The following ARSG variants were observed in gnomAD, a reference collection of about 807,000 sequenced individuals.
ARSG encodes ASG.
A neutral mutation model predicts 50.5 loss-of-function variants in ARSG; 37 were observed. The observed-to-expected ratio is 0.73, with a 90% CI of 0.56 to 0.96. The LOEUF (loss-of-function observed/expected upper bound fraction) is 0.96. ARSG is among the 50% of genes least tolerant of loss of function. The probability of loss-of-function intolerance (pLI) is 0.00; values close to 1 mark genes in which losing one functional copy is unlikely to be tolerated. For missense variants in ARSG, 629 were observed against 675.3 expected (o/e 0.93, Z 0.76); for synonymous variants, 225 against 254.6 (o/e 0.88, Z 1.11).
intron 1 of ARSG, among the ~76,000 whole-genome samples, chr17:68,275,780 G>C (rs2075495520): frequency 6.6e-6 from 1 of 151,992 alleles, no homozygotes; most frequent in Admixed American, 6.6e-5. Flanking sequence ...AGGAGTTAGA[G>C]ACTAGCCTGG....
the ARSG span, among the ~76,000 whole-genome samples, chr17:68,429,316 A>G: frequency 2.0e-5 from 3 of 152,246 alleles, no homozygotes; most frequent in Non-Finnish European, 4.4e-5. Context: ...TTTGCTGGTT[A>G]GTTTTGTGAA....
intron 2 of ARSG, among the ~76,000 whole-genome samples, chr17:68,337,431 A>G (rs2078071702): frequency 6.6e-6 from 1 of 152,050 alleles, no homozygotes; most frequent in African/African-American, 2.4e-5. Context: ...GATGTGGACA[A>G]AAGAAGACAG....
intron 2 of ARSG, among the ~76,000 whole-genome samples, chr17:68,322,142 G>C (rs547171648): frequency 2.8e-4 from 43 of 152,210 alleles, no homozygotes; most frequent in Non-Finnish European, 5.4e-4. Flanking sequence ...GTGATTACAT[G>C]AAGAATGAAC....
chr17:68,274,169 G>A, intron 1 of ARSG: 1 of 1,332,516 alleles, frequency 7.5e-7, no homozygotes, highest in Non-Finnish European at 1.0e-6. Context: ...GAGAGATGAT[G>A]TCGAATATAA....
chr17:68,287,902 G>A (rs934748297), upstream of ARSG, among the ~76,000 whole-genome samples: 23 of 151,192 alleles, frequency 1.5e-4, no homozygotes, highest in African/African-American at 4.6e-4. Flanking sequence ...ACCCTTCCTG[G>A]ACTCTTCTCC....
chr17:68,309,323 G>A (rs1236125063), intron 2 of ARSG, among the ~76,000 whole-genome samples: 1 of 152,204 alleles, frequency 6.6e-6, no homozygotes, highest in Non-Finnish European at 1.5e-5. Flanking sequence ...CGAGGGAGCC[G>A]GCTCTCGCCT....
chr17:68,283,878 CAAAAA>C (rs58291216), intron 1 of ARSG, among the ~76,000 whole-genome samples: 1 of 55,432 alleles, frequency 1.8e-5, no homozygotes. Flanking sequence ...AACTCCGTCT[CAAAAA>C]AAAAAAAAAA....
At chr17:68,285,777 T>C (rs2075826972) in intron 1 of ARSG, 1 of 152,160 alleles carries the variant, frequency 6.6e-6, no homozygotes, top group Non-Finnish European at 1.5e-5. Flanking sequence ...TTTTTTTTTT[T>C]TTAATTTATG....
In ARSG at chr17:68,300,086, C is replaced by T. The variant is rs1467234288; in HGVS notation, c.-551-6857C>T. ...TCCCTAGCAGCTGGGACTACAGGCA[C>T]ATGCCACCATATCCAGTTATTTTGT... is the stretch of plus-strand genomic sequence containing the variant. On this transcript the variant is annotated intron_variant, in intron 1 of 11. Coordinates refer to ENST00000621439, the MANE Select transcript of ARSG (RefSeq NM_001267727.2). 3.9e-5 allele frequency among the ~76,000 whole-genome samples: 6 copies of T among 152,200 alleles called. No individual in the cohort carries two copies. The East Asian group carries it at 9.7e-4, about 24-fold the overall frequency.
At chr17:68,434,614 G>A in the ARSG span, 16 of 1,613,816 alleles carry the variant, frequency 9.9e-6, 1 homozygote, top group African/African-American at 4.0e-5. Context: ...GAGAACACCC[G>A]GATGACTGTG....
At chr17:68,442,562 G>GT in the ARSG span, among the ~76,000 whole-genome samples, 3 of 151,972 alleles carry the variant, frequency 2.0e-5, no homozygotes, top group African/African-American at 7.3e-5. Flanking sequence ...TGCAACAGGT[G>GT]TGAGGAGTAA....
chr17:68,313,444 C>T (rs1452647855), intron 2 of ARSG, among the ~76,000 whole-genome samples: 2 of 152,206 alleles, frequency 1.3e-5, no homozygotes, highest in African/African-American at 2.4e-5. Context: ...CTATCTCCGC[C>T]TCAGTTGTTA....
In ARSG at chr17:68,279,732, C is replaced by G. The variant is rs546892699; in HGVS notation, c.-552+20306C>G. Among the ~76,000 whole-genome samples, 3 of 152,304 alleles carry G rather than the reference C, an allele frequency of 2.0e-5. No homozygotes were observed. In the South Asian group the frequency reaches 6.2e-4, roughly 32 times the overall value. On this transcript the variant is annotated intron_variant, in intron 1 of 11. Transcript: ENST00000448504. The stretch of plus-strand genomic sequence containing the variant: ...TAACTTAAGTCTTCTGGATTGGGCT[C>G]TAGCACATGAATACTGTCTTTTTCA...
intron 10 of ARSG, 113 bp from the exon 11 acceptor site, chr17:68,401,247 T>C: frequency 1.1e-6 from 1 of 917,872 alleles, no homozygotes; most frequent in South Asian, 1.5e-5. Context: ...GGTTTCAAAC[T>C]CCTGGGCTCA....
chr17:68,422,091 G>A (rs527872536), downstream of ARSG: 520 of 422,686 alleles, frequency 1.2e-3, 7 homozygotes, highest in Non-Finnish European at 2.5e-4. Context: ...ATTTTTAAAA[G>A]GCTCATCTTA....
intron 11 of ARSG, among the ~76,000 whole-genome samples, chr17:68,415,965 T>C (rs964750860): frequency 1.3e-5 from 2 of 152,216 alleles, no homozygotes; most frequent in African/African-American, 4.8e-5. Context: ...ATCTTATCCA[T>C]TCTGCTGTTT....
chr17:68,271,918 T>C lies in ARSG; in HGVS notation c.-552+12492T>C, dbSNP rs2075353695. Among the ~76,000 whole-genome samples, 1 of 152,218 alleles carries C rather than the reference T, an allele frequency of 6.6e-6. No individual in the cohort carries two copies. Among genetic ancestry groups the C allele is most frequent in the Non-Finnish European group, 1.5e-5 (1 of 68,044 alleles). ...CCCGGGTTCAAGCGATTCTCCTGCC[T>C]CAGCCTCCTGAGTAGCTGGGACTAT... On this transcript the variant is annotated intron_variant, in intron 1 of 11. Transcript: ENST00000448504. This position sits in a 1 kb window ranked among gnomAD's most constrained non-coding sequence, Gnocchi z 5.3.
the ARSG span, among the ~76,000 whole-genome samples, chr17:68,451,632 G>A: frequency 6.6e-6 from 1 of 152,192 alleles, no homozygotes; most frequent in African/African-American, 2.4e-5. Context: ...TGACTTCTCA[G>A]TTGGGAACTT....
intron 2 of ARSG, among the ~76,000 whole-genome samples, chr17:68,309,494 G>A (rs1373198538): frequency 6.6e-6 from 1 of 152,250 alleles, no homozygotes; most frequent in Non-Finnish European, 1.5e-5. Context: ...GAGCCCAGGA[G>A]TTCAAGGTTG....
Sources: gnomAD v4.1 joint callset for allele counts (sites outside exome capture counted in the v4.1 genomes callset) on GRCh38, gnomAD v4.1.1 for gene constraint, Gnocchi (gnomAD v3.1) non-coding constraint, MANE v1.5 for transcripts, NCBI Gene and HGNC (gene_info 2026-07-23, HGNC 2026-07-21) for gene names.